The following MORN3 variants were observed in gnomAD, a reference collection of about 807,000 sequenced individuals.
MORN3 encodes the protein MORN repeat containing 3.
In MORN3, 38 loss-of-function variants were observed where a neutral mutation model predicts 34.7. The observed-to-expected ratio is 1.10, with a 90% CI of 0.85 to 1.44. MORN3 has a LOEUF of 1.44. Ranked by LOEUF, MORN3 falls within the 40% of genes most tolerant of loss-of-function variation. The pLI, the probability that MORN3 is intolerant of heterozygous loss-of-function variation, is 0.00. For missense variants in MORN3, 311 were observed against 321.7 expected (o/e 0.97, Z 0.25); for synonymous variants, 109 against 115.3 (o/e 0.95, Z 0.35).
rs199814273 is a variant in MORN3, at chr12:121,653,213, G to C, written c.510C>G (p.Asn170Lys). 2 of 1,614,138 alleles carry C rather than the reference G, an allele frequency of 1.2e-6. No individual in the cohort carries two copies. Among genetic ancestry groups the C allele is most frequent in the Non-Finnish European group, 1.7e-6 (2 of 1,180,026 alleles). ...CCAGATGGAAGAAACGCCCCGCCCC[G>C]TTCTTCATGCCTCTCTCCCAGCAGC... is the stretch of plus-strand genomic sequence containing the variant. ...YEGCWERGMK[N>K]GAGRFFHLDH... Residue 170 changes from asparagine (N) to lysine (K), a missense_variant, in exon 4 of 6, where the codon AAC becomes AAG. By Grantham distance (94) the Asn-to-Lys change is moderately conservative (BLOSUM62 0). Transcript: ENST00000355329.
rs1206578712 is a variant in MORN3 at position 121,660,194 on chromosome 12, GTTGCAGTGAGCCGAGATGACGTCA to G, written c.146-870_146-847del. Among the ~76,000 whole-genome samples the G allele has an allele frequency of 7.1e-5, 10 of 141,554 alleles. No homozygotes were observed. In the East Asian group the frequency reaches 2.4e-3, roughly 34 times the overall value. 92.9% of individuals were successfully genotyped at this position (141,554 alleles called of 152,430 possible). ...GGTTGCAGTGAGCCGAGATGACGTC[GTTGCAGTGAGCCGAGATGACGTCA>G]TTGCACTCCAGCCTGGGAGACGAGC... On this transcript the variant is annotated intron_variant, in intron 1 of 5. Coordinates refer to ENST00000355329, the MANE Select transcript of MORN3 (RefSeq NM_173855.5).
chr12:121,664,447 A>G (rs889395016), intron 1 of MORN3, among the ~76,000 whole-genome samples: 3 of 152,172 alleles, frequency 2.0e-5, no homozygotes, highest in African/African-American at 7.2e-5. Context: ...TGCATGAGTA[A>G]AGGCAAAGAG....
In MORN3 at chr12:121,652,822, C is replaced by A; in HGVS notation, c.649-14G>T. 1 of 1,614,138 alleles carries A rather than the reference C, an allele frequency of 6.2e-7. No individual in the cohort carries two copies. Among genetic ancestry groups the A allele is most frequent in the Non-Finnish European group, 8.5e-7 (1 of 1,179,972 alleles). The stretch of plus-strand genomic sequence containing the variant: ...TAGGATTTTGACCTGGAGGGAAATA[C>A]CAAGAAGTTGGTTTGGAGAGCATGG... On this transcript the variant is annotated splice_polypyrimidine_tract_variant and intron_variant, in intron 4 of 5. Transcript: ENST00000355329.
chr12:121,655,592 T>A (rs1555325607), intron 2 of MORN3, among the ~76,000 whole-genome samples: 1 of 151,838 alleles, frequency 6.6e-6, no homozygotes, highest in East Asian at 1.9e-4. Context: ...GCACCTGTAA[T>A]ACTAGCTACT....
chr12:121,665,807 C>T (rs1893738376), intron 1 of MORN3, among the ~76,000 whole-genome samples: 2 of 146,498 alleles, frequency 1.4e-5, no homozygotes, highest in African/African-American at 2.5e-5. Flanking sequence ...TTTTCTGCTA[C>T]TGTTTGGGTG....
chr12:121,652,949 C>A, intron 4 of MORN3, 126 bp downstream of exon 4: 2 of 1,442,788 alleles, frequency 1.4e-6, no homozygotes, highest in Middle Eastern at 2.2e-4. Context: ...TGACTGAAAA[C>A]AAAACCTTGT....
In MORN3 at chr12:121,650,083, A is replaced by C. The variant is rs548285945; in HGVS notation, c.*1568T>G. The C allele has an allele frequency of 2.6e-4, 40 of 151,924 alleles. No homozygotes were observed. The highest frequency in any genetic ancestry group is 7.5e-4 in the African/African-American group (31 of 41,444). The allele number at this position is 151,924 out of a possible 1,614,324, so 9.4% of individuals were successfully genotyped here. ...TATCTCATCCTCACAGTAACTAACCACAGTAACCCCAGGTGGTAAGTACTG... is the reference window on the plus strand; with the variant it reads ...TATCTCATCCTCACAGTAACTAACCCCAGTAACCCCAGGTGGTAAGTACTG... On this transcript the variant is annotated 3_prime_UTR_variant, in exon 6 of 6. Transcript: ENST00000355329.
Position 121,652,782 on chromosome 12 carries a change from C to T in MORN3, c.675G>A (p.Val225=). The T allele has an allele frequency of 6.2e-7, 1 of 1,614,240 alleles. No individual in the cohort carries two copies. Among genetic ancestry groups the T allele is most frequent in the Non-Finnish European group, 8.5e-7 (1 of 1,180,036 alleles). The change falls in exon 5 of 6, where the codon GTG becomes GTA. Residue 225 remains valine, a synonymous_variant. Transcript: ENST00000355329. ...TGAACATGGCCAAGGCCTCCGCCAG[C>T]ACACCATCAGGGTCTAGGATTTTGA... ...PEVKILDPDG[V]LAEALAMFRK...
Position 121,654,337 on chromosome 12 carries a change from C to A in MORN3, c.400G>T (p.Gly134Cys). The change falls in exon 3 of 6, where the codon GGC becomes TGC. Residue 134 changes from glycine to cysteine, a missense_variant. Gly to Cys is a radical substitution (Grantham distance 159, BLOSUM62 -3). Coordinates refer to ENST00000355329, the MANE Select transcript of MORN3 (RefSeq NM_173855.5). ...SGWGRMYYSN[G>C]DIYEGQWEND... ...TCCCACTGTCCCTCGTAGATGTCGC[C>A]GTTGCTGTAATACATGCGGCCCCAC... is the stretch of plus-strand genomic sequence containing the variant. The A allele has an allele frequency of 6.2e-7, 1 of 1,603,168 alleles. No homozygotes were observed. The highest frequency in any genetic ancestry group is 1.1e-5 in the South Asian group (1 of 88,736).
intron 2 of MORN3, among the ~76,000 whole-genome samples, chr12:121,658,438 C>G (rs1014559893): frequency 1.3e-5 from 2 of 151,552 alleles, no homozygotes; most frequent in Non-Finnish European, 2.9e-5. Flanking sequence ...TGGTGGCGGG[C>G]GCCTGTAGTC....
intron 2 of MORN3, 42 bp downstream of exon 2, chr12:121,659,137 GCACACACACACA>G (rs57639477): frequency 1.5e-5 from 22 of 1,485,566 alleles, no homozygotes; most frequent in South Asian, 7.3e-5. Context: ...ACACACGCGC[GCACACACACACA>G]CACACACACA....
chr12:121,660,631 G>A (rs188341360), intron 1 of MORN3, among the ~76,000 whole-genome samples: 2 of 149,840 alleles, frequency 1.3e-5, no homozygotes, highest in East Asian at 2.0e-4. Flanking sequence ...TTGCAGGCAT[G>A]AGCCACCGCA....
intron 1 of MORN3, among the ~76,000 whole-genome samples, chr12:121,662,261 G>T (rs1029523920): frequency 2.6e-5 from 4 of 152,072 alleles, no homozygotes; most frequent in Non-Finnish European, 5.9e-5. Flanking sequence ...GAGGCTAGAA[G>T]TTCAAGACTA....
At chr12:121,666,322 G>T (rs542351770) in intron 1 of MORN3, among the ~76,000 whole-genome samples, 85 of 152,102 alleles carry the variant, frequency 5.6e-4, no homozygotes, top group African/African-American at 1.9e-3. Context: ...CACCTGGCAA[G>T]TGAATCCCCA....
At chr12:121,662,029 G>C (rs1893599932) in intron 1 of MORN3, among the ~76,000 whole-genome samples, 1 of 151,938 alleles carries the variant, frequency 6.6e-6, no homozygotes, top group South Asian at 2.1e-4. Context: ...GACAAATACT[G>C]CATGATTTTA....
At chr12:121,653,295 C>T (rs1555325321) in intron 3 of MORN3, 36 bp from the exon 4 acceptor site, 2 of 1,598,668 alleles carry the variant, frequency 1.3e-6, no homozygotes, top group African/African-American at 1.3e-5. Context: ...GTGCAGGGTA[C>T]ACCAAACTAA....
intron 1 of MORN3, among the ~76,000 whole-genome samples, chr12:121,665,277 CCTTTT>C (rs1238666611): frequency 3.7e-5 from 3 of 80,820 alleles, no homozygotes; most frequent in African/African-American, 1.2e-4. Flanking sequence ...CTTTTTCTTT[CCTTTT>C]TTTTTTTTTT....
chr12:121,663,409 G>T (rs1413195393), intron 1 of MORN3, among the ~76,000 whole-genome samples: 1 of 152,068 alleles, frequency 6.6e-6, no homozygotes, highest in Non-Finnish European at 1.5e-5. Context: ...TGTTGGCCAG[G>T]CTGGTCTCCA....
chr12:121,663,494 G>A (rs1459367326), intron 1 of MORN3, among the ~76,000 whole-genome samples: 1 of 152,024 alleles, frequency 6.6e-6, no homozygotes, highest in Non-Finnish European at 1.5e-5. Flanking sequence ...CACTGCGTCC[G>A]GCCTTCGAAA....
Sources: allele counts gnomAD v4.1 joint callset (sites outside exome capture counted in the v4.1 genomes callset), GRCh38; gene constraint gnomAD v4.1.1; transcripts MANE v1.5; gene names NCBI Gene and HGNC (gene_info 2026-07-23, HGNC 2026-07-21).